UBAP1: variants seen among roughly 807,000 people sequenced by gnomAD.
UBAP1 encodes ubiquitin-associated protein 1.
A neutral mutation model predicts 39.0 loss-of-function variants in UBAP1; 5 were observed. The observed-to-expected ratio is 0.13, with a 90% CI of 0.07 to 0.27. The LOEUF (loss-of-function observed/expected upper bound fraction) is 0.27. UBAP1 is among the 10% of genes least tolerant of loss of function. The pLI, the probability that UBAP1 is intolerant of heterozygous loss-of-function variation, is 1.00. For missense variants in UBAP1, 490 were observed against 608.1 expected, an observed-to-expected ratio of 0.81 and a Z score of 2.04; for synonymous variants, 211 against 225.1, an observed-to-expected ratio of 0.94 and a Z score of 0.56.
rs757526472 is a variant in UBAP1 at position 34,220,961 on chromosome 9, T to C, written c.34+13T>C. Reference sequence around the variant, plus strand: ...GCAGATTTTCATGGTAAGTGGACTATTAGAATCATGGTTTAAGTTATGATT... The same window carrying C: ...GCAGATTTTCATGGTAAGTGGACTACTAGAATCATGGTTTAAGTTATGATT... On this transcript the variant is annotated intron_variant, in intron 2 of 6. Coordinates refer to ENST00000297661, the MANE Select transcript of UBAP1 (RefSeq NM_016525.5). 1.2e-6 allele frequency: 2 copies of C among 1,610,396 alleles called. No homozygotes were observed. The highest frequency in any genetic ancestry group is 2.7e-5 in the African/African-American group (2 of 74,970).
intron 2 of UBAP1, among the ~76,000 whole-genome samples, chr9:34,223,247 A>G (rs1052093973): frequency 1.3e-5 from 2 of 152,144 alleles, no homozygotes; most frequent in Admixed American, 1.3e-4. Context: ...CCTGACCAAC[A>G]TGGAGAAACC....
intron 1 of UBAP1, among the ~76,000 whole-genome samples, chr9:34,213,203 A>G (rs1487487508): frequency 2.0e-5 from 3 of 152,158 alleles, no homozygotes; most frequent in African/African-American, 7.2e-5. Flanking sequence ...ACATACCTCA[A>G]TGTAATGAAA....
intron 1 of UBAP1, among the ~76,000 whole-genome samples, chr9:34,196,517 G>T (rs760904585): frequency 2.6e-5 from 4 of 151,698 alleles, no homozygotes; most frequent in Non-Finnish European, 4.4e-5. Flanking sequence ...GGGTTTCGCT[G>T]TGTTGACCAG....
At chr9:34,223,716 A>C (rs1187902145) in intron 2 of UBAP1, among the ~76,000 whole-genome samples, 3 of 152,106 alleles carry the variant, frequency 2.0e-5, no homozygotes, top group Non-Finnish European at 2.9e-5. Flanking sequence ...TGGCCTCCCA[A>C]AGTGTTGGGG....
intron 1 of UBAP1, among the ~76,000 whole-genome samples, chr9:34,192,634 C>G (rs1187489277): frequency 6.6e-6 from 1 of 150,630 alleles, no homozygotes; most frequent in East Asian, 2.0e-4. Flanking sequence ...GGATGGGGGT[C>G]TTGCTATGTT....
chr9:34,227,298 T>TTTTATTTATTTATTTATTTATTTATTTA (rs539717231), intron 2 of UBAP1, among the ~76,000 whole-genome samples: 24 of 152,074 alleles, frequency 1.6e-4, no homozygotes, highest in African/African-American at 5.6e-4. Flanking sequence ...GTTTTTTTTG[T>TTTTATTTATTTATTTATTTATTTATTTA]TTTATTTATT....
intron 1 of UBAP1, among the ~76,000 whole-genome samples, chr9:34,195,564 A>G (rs978055696): frequency 6.6e-6 from 1 of 151,834 alleles, no homozygotes; most frequent in Non-Finnish European, 1.5e-5. Flanking sequence ...AAAGTTTCCC[A>G]AAGTTGTTAC....
intron 2 of UBAP1, 99 bp downstream of exon 2, chr9:34,221,047 T>G: frequency 1.9e-6 from 2 of 1,055,590 alleles, no homozygotes; most frequent in Non-Finnish European, 2.9e-6. Flanking sequence ...TTTTTGTCTC[T>G]TTTAATGAAC....
At chr9:34,208,544 G>T (rs567976274) in intron 1 of UBAP1, among the ~76,000 whole-genome samples, 3 of 152,134 alleles carry the variant, frequency 2.0e-5, no homozygotes, top group African/African-American at 4.8e-5. Flanking sequence ...TTGGGAGGCC[G>T]AGGCGGGCAG....
chr9:34,214,812 G>A (rs1563902356), intron 1 of UBAP1, among the ~76,000 whole-genome samples: 1 of 152,038 alleles, frequency 6.6e-6, no homozygotes, highest in East Asian at 1.9e-4. Flanking sequence ...TCAAAAAGTG[G>A]GCTAAGGACA....
chr9:34,247,340 C>G (rs569907740), intron 4 of UBAP1, among the ~76,000 whole-genome samples: 3 of 152,076 alleles, frequency 2.0e-5, no homozygotes, highest in Admixed American at 1.3e-4. Context: ...TTAAATCATC[C>G]ATTTAAAATC....
intron 1 of UBAP1, among the ~76,000 whole-genome samples, chr9:34,181,116 C>CTTTTTTTTTTTTTTTTTTTTTTT (rs67856544): frequency 5.5e-4 from 40 of 72,236 alleles, no homozygotes; most frequent in South Asian, 1.1e-3. Flanking sequence ...GGCCTGTTTT[C>CTTTTTTTTTTTTTTTTTTTTTTT]TTTTTTTTTT....
chr9:34,205,412 AC>A (rs1307805761), intron 1 of UBAP1, among the ~76,000 whole-genome samples: 2 of 152,256 alleles, frequency 1.3e-5, no homozygotes, highest in East Asian at 3.9e-4. Flanking sequence ...ATAATTTCAG[AC>A]TTTTTATTGG....
At chr9:34,250,553 C>T (rs1351517294) in intron 5 of UBAP1, 105 bp from the exon 6 acceptor site, 2 of 816,106 alleles carry the variant, frequency 2.5e-6, no homozygotes, top group Non-Finnish European at 3.9e-6. Flanking sequence ...ATCTGACGGC[C>T]TGGGTGGGGC....
chr9:34,195,466 A>G (rs902789060), intron 1 of UBAP1, among the ~76,000 whole-genome samples: 2 of 152,052 alleles, frequency 1.3e-5, no homozygotes, highest in Admixed American at 6.6e-5. Flanking sequence ...GACCTGTTCT[A>G]TTCTATTGAT....
intron 1 of UBAP1, among the ~76,000 whole-genome samples, chr9:34,201,121 G>A (rs1483771530): frequency 6.6e-6 from 1 of 152,094 alleles, no homozygotes; most frequent in Non-Finnish European, 1.5e-5. Flanking sequence ...CTCCATGTTG[G>A]TCAGGCTGGT....
At chr9:34,180,181 GAT>G (rs1205027208) in intron 1 of UBAP1, among the ~76,000 whole-genome samples, 1 of 152,146 alleles carries the variant, frequency 6.6e-6, no homozygotes, top group East Asian at 1.9e-4. Flanking sequence ...AGTCTTTAGT[GAT>G]ATATAGTTCT....
intron 1 of UBAP1, among the ~76,000 whole-genome samples, chr9:34,213,748 A>AT (rs1301421491): frequency 3.9e-5 from 6 of 152,170 alleles, no homozygotes; most frequent in African/African-American, 1.4e-4. Flanking sequence ...TTTGCTGACA[A>AT]TATGATCGTT....
intron 1 of UBAP1, among the ~76,000 whole-genome samples, chr9:34,201,739 C>T: frequency 6.6e-6 from 1 of 152,270 alleles, no homozygotes; most frequent in East Asian, 1.9e-4. Context: ...AATGCCGACA[C>T]TGTCTACCTG....
Sources: allele counts gnomAD v4.1 joint callset (sites outside exome capture counted in the v4.1 genomes callset), GRCh38; gene constraint gnomAD v4.1.1; transcripts MANE v1.5; gene names NCBI Gene and HGNC (gene_info 2026-07-23, HGNC 2026-07-21).